The following DYTN variants were observed in gnomAD, a reference collection of about 807,000 sequenced individuals.
The protein encoded by DYTN is dystrotelin.
Under a neutral mutation model 69.6 loss-of-function variants are expected in DYTN, and 75 were observed. That is an observed-to-expected ratio of 1.08 (90% CI 0.89 to 1.31). The LOEUF (loss-of-function observed/expected upper bound fraction) is 1.31. Among genes scored for constraint, DYTN ranks in the 50% most tolerant of loss-of-function variants. DYTN has a pLI of 0.00. For synonymous variants in DYTN, 252 were observed against 249.1 expected (o/e 1.01, Z -0.11); for missense variants, 726 against 688.4 (o/e 1.05, Z -0.61).
chr2:206,675,479 C>G (rs889648458), intron 9 of DYTN, among the ~76,000 whole-genome samples: 4 of 151,560 alleles, frequency 2.6e-5, no homozygotes, highest in African/African-American at 9.7e-5. Context: ...TCCAAAATAT[C>G]ATCATCAATA....
chr2:206,694,923 A>G (rs768961150), intron 7 of DYTN, 46 bp from the exon 8 acceptor site: 555 of 310,056 alleles, frequency 1.8e-3, no homozygotes, highest in Non-Finnish European at 2.1e-3. Flanking sequence ...AGTAGATGAG[A>G]AAAAAAAAAA....
At chr2:206,658,622 C>G (rs1699474109) in intron 11 of DYTN, among the ~76,000 whole-genome samples, 1 of 152,034 alleles carries the variant, frequency 6.6e-6, no homozygotes, top group Admixed American at 6.6e-5. Context: ...AAGCCCAGTC[C>G]CTTGGACAGC....
intron 3 of DYTN, among the ~76,000 whole-genome samples, chr2:206,706,988 A>G (rs753649174): frequency 3.3e-5 from 5 of 152,134 alleles, no homozygotes; most frequent in Non-Finnish European, 5.9e-5. Flanking sequence ...CGCTTTTCAC[A>G]TGTGTATATG....
intron 9 of DYTN, among the ~76,000 whole-genome samples, chr2:206,680,293 T>G (rs779173253): frequency 6.6e-6 from 1 of 152,084 alleles, no homozygotes; most frequent in Non-Finnish European, 1.5e-5. Context: ...GAGAAGAGCA[T>G]GGGAAAAACC....
intron 7 of DYTN, among the ~76,000 whole-genome samples, chr2:206,696,194 C>T (rs898854168): frequency 3.2e-4 from 48 of 152,192 alleles, no homozygotes; most frequent in African/African-American, 1.1e-3. Context: ...CAAAGAAAAT[C>T]CCAAGTAGAA....
Position 206,707,442 on chromosome 2 carries a change from A to C in DYTN, c.156T>G (p.Ala52=). The C allele has an allele frequency of 6.2e-7, 1 of 1,612,950 alleles. No homozygotes were observed. The highest frequency in any genetic ancestry group is 1.1e-5 in the South Asian group (1 of 90,640). The change falls in exon 3 of 12, where the codon GCT becomes GCG. Residue 52 remains alanine (A), a synonymous_variant. Transcript: ENST00000452335. ...GCTGCACAGAAAGGGAGTGCTTGCG[A>C]GCTTCCCAGAAACTTGGACGCAGTA... ...QVLLRPSFWE[A]RKHSLSVQQL...
At position 206,662,936 on chromosome 2, in the gene DYTN, G is replaced by A. The variant is rs13408906; in HGVS notation, c.1600C>T (p.Leu534Phe). The change falls in exon 11 of 12, where the codon CTT becomes TTT. Residue 534 changes from leucine (L) to phenylalanine (F), a missense_variant. Leu to Phe is a conservative substitution (Grantham distance 22). Transcript: ENST00000452335. ...EEELQELLSK[L>F]MDAFNLETPS... ...GTTTCTAGATTGAAGGCATCCATAA[G>A]TTTTGACAATAGTTCTTGCAGTTCC... The A allele has an allele frequency of 3.1e-6, 5 of 1,613,596 alleles. No individual in the cohort carries two copies. Among genetic ancestry groups the A allele is most frequent in the South Asian group, 2.2e-5 (2 of 91,026 alleles).
chr2:206,683,437 G>A (rs867186609), intron 9 of DYTN, among the ~76,000 whole-genome samples: 9 of 146,348 alleles, frequency 6.1e-5, no homozygotes, highest in South Asian at 2.2e-4. Flanking sequence ...TCTGCCTCCC[G>A]GGTTCAAGTG....
chr2:206,693,894 T>A (rs148400007), intron 8 of DYTN, among the ~76,000 whole-genome samples: 3 of 152,202 alleles, frequency 2.0e-5, no homozygotes, highest in Non-Finnish European at 4.4e-5. Flanking sequence ...CCAAGACTTT[T>A]AGCACTAGGA....
chr2:206,714,913 T>C (rs1461498811), intron 1 of DYTN, among the ~76,000 whole-genome samples: 1 of 152,116 alleles, frequency 6.6e-6, no homozygotes, highest in Non-Finnish European at 1.5e-5. Context: ...CCAGGGATAG[T>C]TCCCTCCCAA....
At chr2:206,705,340 C>T (rs1253313459) in intron 4 of DYTN, among the ~76,000 whole-genome samples, 1 of 152,280 alleles carries the variant, frequency 6.6e-6, no homozygotes, top group Non-Finnish European at 1.5e-5. Context: ...TCAGGTGATC[C>T]GCCCGCCTCG....
At chr2:206,675,141 GTGTGTATA>G (rs1699670597) in intron 9 of DYTN, among the ~76,000 whole-genome samples, 1 of 141,076 alleles carries the variant, frequency 7.1e-6, no homozygotes, top group African/African-American at 2.6e-5. Context: ...GTGTGTGTGT[GTGTGTATA>G]TATGTGTATA....
intron 9 of DYTN, among the ~76,000 whole-genome samples, chr2:206,682,897 G>A (rs13391820): frequency 0.087 from 13,190 of 151,942 alleles, 1,921 homozygotes; most frequent in African/African-American, 0.3. Context: ...TGCAAATGCA[G>A]GAATAGACAC....
Position 206,694,869 on chromosome 2 carries a change from C to A in DYTN, c.728G>T (p.Cys243Phe). Residue 243 changes from cysteine to phenylalanine, a missense_variant, in exon 8 of 12, where the codon TGT (cysteine) becomes TTT (phenylalanine). Physicochemically the swap from Cys to Phe is radical, Grantham distance 205. Coordinates refer to ENST00000452335, the MANE Select transcript of DYTN (RefSeq NM_001093730.1). ...GATGTCAAAGTTGAGACACTTCAGA[C>A]AGCGGTATCTGCCAGTTAAAATAGA... is the stretch of plus-strand genomic sequence containing the variant. ...TFPITGLRYR[C>F]LKCLNFDICQ... is the part of the protein sequence containing the mutation. The A allele has an allele frequency of 6.3e-7, 1 of 1,587,242 alleles. No individual in the cohort carries two copies. Among genetic ancestry groups the A allele is most frequent in the South Asian group, 1.1e-5 (1 of 87,330 alleles).
intron 9 of DYTN, among the ~76,000 whole-genome samples, chr2:206,686,166 C>T (rs1049854099): frequency 6.6e-6 from 1 of 152,148 alleles, no homozygotes; most frequent in African/African-American, 2.4e-5. Flanking sequence ...CATGATCTTA[C>T]TTTCCAGCAC....
chr2:206,689,646 C>A (rs1014451679), intron 9 of DYTN, among the ~76,000 whole-genome samples: 2 of 152,158 alleles, frequency 1.3e-5, no homozygotes, highest in Non-Finnish European at 2.9e-5. Flanking sequence ...TCCCAATTAA[C>A]AGGTAAAGAA....
rs1023441233 is a variant in DYTN at position 206,707,323 on chromosome 2, A to T, written c.275T>A (p.Leu92His). Reference sequence around the variant, plus strand: ...TCACCTGTTGTACATTGTCGTGAGAAGGCTCAGAGTGAGTTCCGGAGCTCT... The same window carrying T: ...TCACCTGTTGTACATTGTCGTGAGATGGCTCAGAGTGAGTTCCGGAGCTCT... ...HPRAPELTLS[L>H]LTTMYNSKGT... Residue 92 changes from leucine to histidine, a missense_variant, in exon 3 of 12, where the codon CTT becomes CAT. Physicochemically the swap from Leu to His is moderately conservative, Grantham distance 99. Coordinates refer to ENST00000452335, the MANE Select transcript of DYTN (RefSeq NM_001093730.1). The T allele has an allele frequency of 1.9e-6, 3 of 1,612,142 alleles. No homozygotes were observed. The African/African-American group carries it at 4.0e-5, about 22-fold the overall frequency.
intron 9 of DYTN, among the ~76,000 whole-genome samples, chr2:206,675,115 A>ATGTGTGTGTGTGTGTGTGTG (rs757679127): frequency 7.6e-6 from 1 of 131,534 alleles, no homozygotes; most frequent in African/African-American, 2.9e-5. Context: ...ATATATATAT[A>ATGTGTGTGTGTGTGTGTGTG]TGTGTGTGTG....
rs199745795 is a variant in DYTN, at chr2:206,700,167, G to A, written c.533C>T (p.Ala178Val). The change falls in exon 6 of 12, where the codon GCC (alanine) becomes GTC (valine). Residue 178 changes from alanine to valine, a missense_variant. Coordinates refer to ENST00000452335, the MANE Select transcript of DYTN (RefSeq NM_001093730.1). The stretch of plus-strand genomic sequence containing the variant: ...CACCCCTTGGAAACAGCTGCGGGTG[G>A]CACTTTCCACAGGGCACAGAGCACG... ...ESRALCPVES[A>V]TRSCFQGVLS... 9.4e-4 allele frequency: 1,514 copies of A among 1,613,920 alleles called. 2 individuals are homozygous for A. Among genetic ancestry groups the A allele is most frequent in the Non-Finnish European group, 1.1e-3 (1,326 of 1,179,812 alleles).
Sources: allele counts gnomAD v4.1 joint callset (sites outside exome capture counted in the v4.1 genomes callset), GRCh38; gene constraint gnomAD v4.1.1; transcripts MANE v1.5; gene names NCBI Gene and HGNC (gene_info 2026-07-23, HGNC 2026-07-21).